The following SH2D6 variants were observed in gnomAD, a reference collection of about 807,000 sequenced individuals.
The protein encoded by SH2D6 is SH2 domain-containing protein 6.
In SH2D6, 31 loss-of-function variants were observed where a neutral mutation model predicts 30.2. That is an observed-to-expected ratio of 1.03 (90% CI 0.77 to 1.38). SH2D6 has a LOEUF of 1.38. SH2D6 is among the 40% of genes most tolerant of loss of function. The pLI is 0.00. For synonymous variants in SH2D6, 93 were observed against 104.6 expected, an observed-to-expected ratio of 0.89 and a Z score of 0.68; for missense variants, 240 against 266.8, an observed-to-expected ratio of 0.90 and a Z score of 0.70.
intron 5 of SH2D6, among the ~76,000 whole-genome samples, chr2:85,423,205 T>C (rs930766261): frequency 1.3e-5 from 2 of 149,290 alleles, no homozygotes; most frequent in Middle Eastern, 3.7e-3. Context: ...TTTTTTGTTG[T>C]TGTTGTTGTT....
chr2:85,433,195 T>A, intron 15 of SH2D6, 74 bp downstream of exon 15: 1 of 925,620 alleles, frequency 1.1e-6, no homozygotes, highest in Non-Finnish European at 1.3e-6. Context: ...GGGTGGGGCC[T>A]AGGGAGGGCC....
intron 20 of SH2D6, 136 bp downstream of exon 20, chr2:85,435,259 C>T (rs1573254101): frequency 4.9e-6 from 6 of 1,234,002 alleles, no homozygotes; most frequent in Non-Finnish European, 6.9e-6. Flanking sequence ...GGCACCCCGC[C>T]GTGCCCCAGA....
In SH2D6 at chr2:85,436,833, C is replaced by T; in HGVS notation, c.*13-4C>T. 1 of 468,862 alleles carries T rather than the reference C, an allele frequency of 2.1e-6. No homozygotes were observed. Among genetic ancestry groups the T allele is most frequent in the East Asian group, 4.1e-5 (1 of 24,324 alleles). The allele number at this position is 468,862 out of a possible 1,614,324, so 29.0% of individuals were successfully genotyped here. On this transcript the variant is annotated splice_polypyrimidine_tract_variant and splice_region_variant and intron_variant, in intron 23 of 23. Transcript: ENST00000469800. ...AAGGCTGACACCCTCTTCCTGGCCTCCAGGAATGCAGGTGTCTGCCCAGTT... is the reference window on the plus strand; with the variant it reads ...AAGGCTGACACCCTCTTCCTGGCCTTCAGGAATGCAGGTGTCTGCCCAGTT...
intron 14 of SH2D6, among the ~76,000 whole-genome samples, chr2:85,432,304 G>A (rs1472624641): frequency 1.3e-5 from 2 of 150,636 alleles, no homozygotes; most frequent in Non-Finnish European, 2.9e-5. Flanking sequence ...CTGGAGTGCA[G>A]TGGCACGATC....
chr2:85,433,222 A>G (rs1218184584), intron 15 of SH2D6, 101 bp downstream of exon 15: 3 of 843,788 alleles, frequency 3.6e-6, no homozygotes, highest in Admixed American at 6.2e-5. Flanking sequence ...TATCCCTGAA[A>G]CCAAGGGAAA....
chr2:85,420,010 T>C (rs969463057), intron 2 of SH2D6, among the ~76,000 whole-genome samples: 4 of 152,168 alleles, frequency 2.6e-5, no homozygotes, highest in Admixed American at 1.3e-4. Context: ...CTTTTGCCCC[T>C]AGAGAGGAGA....
In SH2D6 at chr2:85,436,516, GC is replaced by G; in HGVS notation, c.946del (p.Val317TrpfsTer33). On this transcript the variant is annotated frameshift_variant, in exon 23 of 24. Transcript: ENST00000469800. LOFTEE classifies it high-confidence loss of function. ...TCCAGCACTTCATGTGGCACCCTCT[GC>G]CCCTTGTGGACAGACACAGCGGCAG... ...MVQHFMWHPL[P>X]LVDRHSGSRE... 6.2e-7 allele frequency: 1 copy of G among 1,613,712 alleles called. No individual in the cohort carries two copies. The highest frequency in any genetic ancestry group is 8.5e-7 in the Non-Finnish European group (1 of 1,179,994).
intron 19 of SH2D6, 69 bp from the exon 20 acceptor site, chr2:85,434,996 C>A (rs1244559251): frequency 6.5e-7 from 1 of 1,549,410 alleles, no homozygotes; most frequent in South Asian, 1.2e-5. Context: ...CAGCTGTCCC[C>A]TAGAAGCCAC....
chr2:85,434,631 A>C (rs1199881953), intron 19 of SH2D6, 134 bp downstream of exon 19: 9 of 1,368,720 alleles, frequency 6.6e-6, no homozygotes, highest in East Asian at 2.5e-5. Context: ...AAAAAAAAAA[A>C]AAAACTAGGT....
chr2:85,435,054 G>A lies in SH2D6; in HGVS notation c.590-11G>A, dbSNP rs1343445898. 9.6e-6 allele frequency: 11 copies of A among 1,140,752 alleles called. No individual in the cohort carries two copies. The highest frequency in any genetic ancestry group is 1.3e-5 in the Non-Finnish European group (11 of 843,760). The allele number at this position is 1,140,752 out of a possible 1,614,324, so 70.7% of individuals were successfully genotyped here. A position where few individuals can be genotyped will look rare whatever the true frequency, so the allele number is the denominator to read the frequency against. On this transcript the variant is annotated splice_polypyrimidine_tract_variant and intron_variant, in intron 19 of 23. Transcript: ENST00000469800. ...CCACCCCACCCCAGCTCAATAATCTGCTTCTTCTAGAAGGAAGGAAATCGT... is the reference window on the plus strand; with the variant it reads ...CCACCCCACCCCAGCTCAATAATCTACTTCTTCTAGAAGGAAGGAAATCGT...
rs1384219174 is a variant in SH2D6 at position 85,419,093 on chromosome 2, G to C, written c.-728G>C. ...CTGAGACTGGACTAGGTCTGTTAGG[G>C]TCCCTGTGTGGCCGGCAGGACTCGT... On this transcript the variant is annotated 5_prime_UTR_variant, in exon 2 of 24. Transcript: ENST00000469800. The C allele has an allele frequency of 6.6e-6, 1 of 152,480 alleles. No individual in the cohort carries two copies. The highest frequency in any genetic ancestry group is 1.5e-5 in the Non-Finnish European group (1 of 68,240). The allele number at this position is 152,480 out of a possible 1,614,324, so 9.4% of individuals were successfully genotyped here.
intron 2 of SH2D6, among the ~76,000 whole-genome samples, chr2:85,419,785 T>A (rs1201278977): frequency 6.6e-6 from 1 of 152,238 alleles, no homozygotes; most frequent in Non-Finnish European, 1.5e-5. Flanking sequence ...GGCGAGCTAC[T>A]TCCTAGAAAT....
At chr2:85,425,979 G>A (rs1688016143) in intron 6 of SH2D6, among the ~76,000 whole-genome samples, 1 of 152,178 alleles carries the variant, frequency 6.6e-6, no homozygotes. Flanking sequence ...TTGGAAACGA[G>A]GATTCATGAG....
chr2:85,434,754 C>T, intron 19 of SH2D6: 2 of 1,449,238 alleles, frequency 1.4e-6, no homozygotes, highest in Non-Finnish European at 1.8e-6. Context: ...GTCCCTGAAG[C>T]TCTGACTCCA....
In SH2D6 at chr2:85,435,781, G is replaced by C. The variant is rs758523617; in HGVS notation, c.848G>C (p.Gly283Ala). 7 of 1,605,884 alleles carry C rather than the reference G, an allele frequency of 4.4e-6. No individual in the cohort carries two copies. In the Admixed American group the frequency reaches 5.1e-5, roughly 12 times the overall value. ...ATTCCCATCCGGCGGCTGGATGGCG[G>C]ACGCCACTATGCCCTGGGCCGGGAG... ...FNIPIRRLDG[G>A]RHYALGREGR... Residue 283 changes from glycine to alanine, a missense_variant, in exon 22 of 24, where the codon GGA (glycine) becomes GCA (alanine). By Grantham distance (60) the Gly-to-Ala change is moderately conservative. Transcript: ENST00000469800.
chr2:85,419,635 T>A (rs1687673527), intron 2 of SH2D6, among the ~76,000 whole-genome samples: 1 of 152,224 alleles, frequency 6.6e-6, no homozygotes, highest in African/African-American at 2.4e-5. Flanking sequence ...CCAACTCCAT[T>A]TTCAGCTTTT....
chr2:85,431,596 CA>C (rs1381704704), intron 13 of SH2D6, among the ~76,000 whole-genome samples: 2 of 152,200 alleles, frequency 1.3e-5, no homozygotes, highest in Middle Eastern at 6.3e-3. Context: ...ACCTCCAGAG[CA>C]AAGAAATCCC....
chr2:85,433,972 G>A (rs1404565441), intron 16 of SH2D6, 61 bp from the exon 17 acceptor site: 3 of 1,410,590 alleles, frequency 2.1e-6, no homozygotes, highest in East Asian at 2.5e-5. Flanking sequence ...GCCCTGCCCT[G>A]GTCAGCATGG....
rs959340038 is a variant in SH2D6, at chr2:85,421,105, A to C, written c.-576-1098A>C. ...TAGAAGACCAGCTGGGAACAGGAGA[A>C]GCTTGGCTCCCAGGCTCTGTGCTGA... On this transcript the variant is annotated intron_variant, in intron 2 of 23. Coordinates refer to ENST00000469800, the MANE Select transcript of SH2D6 (RefSeq NM_001394463.1). Among the ~76,000 whole-genome samples, 5 of 152,344 alleles carry C rather than the reference A, an allele frequency of 3.3e-5. No homozygotes were observed. The East Asian group carries it at 9.7e-4, about 29-fold the overall frequency.
Sources: allele counts gnomAD v4.1 joint callset (sites outside exome capture counted in the v4.1 genomes callset), GRCh38; gene constraint gnomAD v4.1.1; transcripts MANE v1.5; gene names NCBI Gene and HGNC (gene_info 2026-07-23, HGNC 2026-07-21).